ALCAM: variants seen among roughly 807,000 people sequenced by gnomAD.
The protein encoded by ALCAM is CD166 antigen.
In ALCAM, 30 loss-of-function variants were observed where a neutral mutation model predicts 70.9. The observed-to-expected ratio is 0.42, with a 90% CI of 0.32 to 0.57. The LOEUF (loss-of-function observed/expected upper bound fraction) is 0.57. Among genes scored for constraint, ALCAM ranks in the 20% least tolerant of loss-of-function variants. ALCAM has a pLI of 0.11. For synonymous variants in ALCAM, 249 were observed against 242.5 expected (o/e 1.03, Z -0.25); for missense variants, 591 against 695.1 (o/e 0.85, Z 1.68).
In ALCAM at chr3:105,462,660, C is replaced by A. The variant is rs147407448; in HGVS notation, c.74-57407C>A. ...TTATTCAAGTGTTCATTGCCCATAG[C>A]AAAGTAAATTATAGAACAGAAAGTT... On this transcript the variant is annotated intron_variant, in intron 1 of 15. Coordinates refer to ENST00000306107, the MANE Select transcript of ALCAM (RefSeq NM_001627.4). Among the ~76,000 whole-genome samples the A allele has an allele frequency of 2.4e-3, 366 of 151,370 alleles. 1 individual carries two copies. Among genetic ancestry groups the A allele is most frequent in the African/African-American group, 8.6e-3 (354 of 41,398 alleles).
At chr3:105,521,342 A>G (rs1939539149) in intron 2 of ALCAM, among the ~76,000 whole-genome samples, 1 of 147,110 alleles carries the variant, frequency 6.8e-6, no homozygotes, top group Non-Finnish European at 1.5e-5. Context: ...AGTTTATTGC[A>G]TCACTTCTCG....
chr3:105,566,644 C>T (rs980738167), intron 14 of ALCAM, among the ~76,000 whole-genome samples: 3 of 152,084 alleles, frequency 2.0e-5, no homozygotes, highest in African/African-American at 4.8e-5. Flanking sequence ...ACAATAAGAA[C>T]TCAAAACAAT....
intron 5 of ALCAM, 62 bp downstream of exon 5, chr3:105,533,752 T>C (rs1939902279): frequency 6.7e-7 from 1 of 1,496,746 alleles, no homozygotes; most frequent in Admixed American, 1.7e-5. Flanking sequence ...CTTTCTTTGT[T>C]CTAGGTATTC....
chr3:105,541,284 T>C (rs1013366089), intron 7 of ALCAM, among the ~76,000 whole-genome samples: 1 of 151,862 alleles, frequency 6.6e-6, no homozygotes. Context: ...GTGTATTTCC[T>C]TTTAAGCTGC....
chr3:105,533,527 G>A lies in ALCAM; in HGVS notation c.460-76G>A, dbSNP rs1939895526. 3 of 1,272,194 alleles carry A rather than the reference G, an allele frequency of 2.4e-6. No individual in the cohort carries two copies. The East Asian group carries it at 7.1e-5, about 30-fold the overall frequency. 78.8% of individuals were successfully genotyped at this position (1,272,194 alleles called of 1,614,324 possible). A position where few individuals can be genotyped will look rare whatever the true frequency, so the allele number is the denominator to read the frequency against. Reference sequence around the variant, plus strand: ...GAAACCCTTGGAATAACTCTGCATTGCCTGAGTTTCTGGAGTTTCCAAATT... The same window carrying A: ...GAAACCCTTGGAATAACTCTGCATTACCTGAGTTTCTGGAGTTTCCAAATT... On this transcript the variant is annotated intron_variant, in intron 4 of 15. Transcript: ENST00000306107.
chr3:105,534,621 C>G (rs1222495687), intron 5 of ALCAM, 42 bp from the exon 6 acceptor site: 1 of 1,573,284 alleles, frequency 6.4e-7, no homozygotes, highest in Non-Finnish European at 8.7e-7. Context: ...TTGTGATTGT[C>G]AGATGAAAGA....
chr3:105,377,027 C>A (rs1935395416), intron 1 of ALCAM, among the ~76,000 whole-genome samples: 1 of 152,086 alleles, frequency 6.6e-6, no homozygotes, highest in South Asian at 2.1e-4. Flanking sequence ...TTGAAATATT[C>A]ACATATTAGT....
chr3:105,435,882 C>G (rs947674959), intron 1 of ALCAM, among the ~76,000 whole-genome samples: 1 of 151,792 alleles, frequency 6.6e-6, no homozygotes, highest in African/African-American at 2.4e-5. Flanking sequence ...GCTCCGCCTC[C>G]CGGGTTCACG....
chr3:105,509,513 T>C (rs1303422849), intron 1 of ALCAM, among the ~76,000 whole-genome samples: 2 of 152,104 alleles, frequency 1.3e-5, no homozygotes, highest in East Asian at 1.9e-4. Flanking sequence ...ATGTCTTCTT[T>C]GGAAAAATGC....
intron 4 of ALCAM, among the ~76,000 whole-genome samples, chr3:105,533,205 G>A (rs1939883700): frequency 1.3e-5 from 2 of 152,094 alleles, no homozygotes; most frequent in African/African-American, 4.8e-5. Flanking sequence ...TGGAGACACA[G>A]CCCCATTTTA....
At chr3:105,433,024 G>A (rs920043969) in intron 1 of ALCAM, among the ~76,000 whole-genome samples, 1 of 152,060 alleles carries the variant, frequency 6.6e-6, no homozygotes, top group Non-Finnish European at 1.5e-5. Context: ...TTAAGAAGTG[G>A]CCATATAGGA....
intron 1 of ALCAM, among the ~76,000 whole-genome samples, chr3:105,393,925 A>C (rs1935885564): frequency 6.6e-6 from 1 of 151,984 alleles, no homozygotes; most frequent in Non-Finnish European, 1.5e-5. Context: ...ATATTATCTA[A>C]ATTTTTATTT....
intron 14 of ALCAM, among the ~76,000 whole-genome samples, chr3:105,559,198 TAATA>T (rs1245341796): frequency 1.4e-5 from 2 of 148,116 alleles, no homozygotes; most frequent in East Asian, 3.9e-4. Flanking sequence ...TATACTTATA[TAATA>T]TATACATATA....
At chr3:105,449,820 TAGAG>T (rs1937383302) in intron 1 of ALCAM, among the ~76,000 whole-genome samples, 1 of 152,088 alleles carries the variant, frequency 6.6e-6, no homozygotes, top group African/African-American at 2.4e-5. Flanking sequence ...TAATGAGAAA[TAGAG>T]GGGGAAAACC....
chr3:105,548,303 A>T (rs557915599), intron 11 of ALCAM, among the ~76,000 whole-genome samples: 1 of 151,282 alleles, frequency 6.6e-6, no homozygotes, highest in African/African-American at 2.4e-5. Flanking sequence ...TTGCTGACAT[A>T]CTTGCTAATT....
chr3:105,499,723 G>A (rs1486678400), intron 1 of ALCAM, among the ~76,000 whole-genome samples: 1 of 152,192 alleles, frequency 6.6e-6, no homozygotes, highest in Non-Finnish European at 1.5e-5. Context: ...AACATTAGCA[G>A]GGATGGCAAA....
intron 3 of ALCAM, 76 bp downstream of exon 3, chr3:105,524,584 C>T (rs1939648160): frequency 5.1e-6 from 8 of 1,583,868 alleles, no homozygotes; most frequent in Admixed American, 1.7e-5. Flanking sequence ...AGAAAGAAGA[C>T]TGAACTCTCT....
At chr3:105,535,647 T>C (rs1330423640) in intron 6 of ALCAM, among the ~76,000 whole-genome samples, 1 of 152,118 alleles carries the variant, frequency 6.6e-6, no homozygotes, top group Non-Finnish European at 1.5e-5. Context: ...ACATCACACA[T>C]TAAATTGTCA....
rs1328833725 is a variant in ALCAM at position 105,493,602 on chromosome 3, AG to A, written c.74-26463del. ...CAGTGTGGCTGGTTTTGAAAAAAAA[AG>A]GCAGAAAGCAGGACAAGGAACACAT... is the stretch of plus-strand genomic sequence containing the variant. On this transcript the variant is annotated intron_variant, in intron 1 of 15. Coordinates refer to ENST00000306107, the MANE Select transcript of ALCAM (RefSeq NM_001627.4). Among the ~76,000 whole-genome samples the A allele has an allele frequency of 2.6e-5, 4 of 152,238 alleles. No homozygotes were observed. In the South Asian group the frequency reaches 8.3e-4, roughly 32 times the overall value.
Sources: allele counts gnomAD v4.1 joint callset (sites outside exome capture counted in the v4.1 genomes callset), GRCh38; gene constraint gnomAD v4.1.1; transcripts MANE v1.5; gene names NCBI Gene and HGNC (gene_info 2026-07-23, HGNC 2026-07-21).